Variants in RCAN2 observed in about 807,000 individuals in gnomAD.
The protein encoded by RCAN2 is calcipressin-2.
A neutral mutation model predicts 23.6 loss-of-function variants in RCAN2; 9 were observed. The ratio of observed to expected loss-of-function variants is 0.38; its 90% CI spans 0.23 to 0.67. The LOEUF is 0.67. Among genes scored for constraint, RCAN2 ranks in the 30% least tolerant of loss-of-function variants. RCAN2 has a pLI of 0.51. For synonymous variants in RCAN2, 109 were observed against 115.7 expected (o/e 0.94, Z 0.37); for missense variants, 273 against 302.3 (o/e 0.90, Z 0.72).
chr6:46,386,629 AACT>A, intron 2 of RCAN2, among the ~76,000 whole-genome samples: 8 of 151,074 alleles, frequency 5.3e-5, no homozygotes, highest in African/African-American at 1.7e-4. Flanking sequence ...AAAAAAAAAA[AACT>A]AAACTAAAAA....
At chr6:46,396,482 C>A (rs1035396966) in intron 2 of RCAN2, among the ~76,000 whole-genome samples, 1 of 152,158 alleles carries the variant, frequency 6.6e-6, no homozygotes, top group Non-Finnish European at 1.5e-5. Flanking sequence ...CCCTACCATT[C>A]GCTGGCACTG....
At chr6:46,440,393 C>CAA (rs769160624) in intron 2 of RCAN2, among the ~76,000 whole-genome samples, 1 of 128,044 alleles carries the variant, frequency 7.8e-6, no homozygotes, top group Admixed American at 7.9e-5. Context: ...TGAGTCACGG[C>CAA]AAAAAAAAAA....
chr6:46,248,779 T>C lies in RCAN2; in HGVS notation c.343A>G (p.Ile115Val). 6.2e-7 allele frequency: 1 copy of C among 1,613,520 alleles called. No homozygotes were observed. Among genetic ancestry groups the C allele is most frequent in the Non-Finnish European group, 8.5e-7 (1 of 1,179,828 alleles). ...SNPKSAARARIELHETQFRGK... is the reference protein window; with the variant it reads ...SNPKSAARARVELHETQFRGK... ...CTGAATTGGGTTTCATGAAGCTCTA[T>C]CCTAGCTCGGGCTGCAGATTTAGGA... The change falls in exon 3 of 5, where the codon ATA (isoleucine) becomes GTA (valine). Residue 115 changes from isoleucine (I) to valine (V), a missense_variant. Physicochemically the swap from Ile to Val is conservative, Grantham distance 29 (BLOSUM62 3). Coordinates refer to ENST00000371374, the MANE Select transcript of RCAN2 (RefSeq NM_001251974.2).
Position 46,349,509 on chromosome 6 carries a change from A to G in RCAN2, c.226-100613T>C, listed in dbSNP as rs74788237. ...AGGTTGATAGGTGCAGCAAACCACCATTCCACACGTATTTCTATGTAACAA... is the reference window on the plus strand; with the variant it reads ...AGGTTGATAGGTGCAGCAAACCACCGTTCCACACGTATTTCTATGTAACAA... On this transcript the variant is annotated intron_variant, in intron 2 of 4. Coordinates refer to ENST00000371374, the MANE Select transcript of RCAN2 (RefSeq NM_001251974.2). 9.5e-4 allele frequency among the ~76,000 whole-genome samples: 144 copies of G among 152,100 alleles called. No homozygotes were observed. In the East Asian group the frequency reaches 0.013, roughly 14 times the overall value.
intron 2 of RCAN2, among the ~76,000 whole-genome samples, chr6:46,391,504 C>A (rs1387919043): frequency 6.6e-6 from 1 of 152,144 alleles, no homozygotes; most frequent in African/African-American, 2.4e-5. Flanking sequence ...AGAGCCTGTT[C>A]TCAGGACGCT....
intron 2 of RCAN2, among the ~76,000 whole-genome samples, chr6:46,258,840 C>CAACA (rs956704715): frequency 6.6e-6 from 1 of 152,044 alleles, no homozygotes; most frequent in African/African-American, 2.4e-5. Flanking sequence ...AACTCCAAGC[C>CAACA]AACAAACAAA....
intron 2 of RCAN2, among the ~76,000 whole-genome samples, chr6:46,378,451 T>C (rs763075322): frequency 4.7e-4 from 72 of 152,324 alleles, no homozygotes; most frequent in Middle Eastern, 3.4e-3. Flanking sequence ...TCTGGTCTTC[T>C]GGTATAGTGA....
chr6:46,385,860 CAAAAAAAAAAA>C (rs59568594), intron 2 of RCAN2, among the ~76,000 whole-genome samples: 3 of 39,646 alleles, frequency 7.6e-5, no homozygotes, highest in Admixed American at 3.4e-4. Context: ...CTCTCTCTCT[CAAAAAAAAAAA>C]AAAAAAAAAA....
intron 2 of RCAN2, among the ~76,000 whole-genome samples, chr6:46,416,217 T>TA (rs1766712508): frequency 6.6e-6 from 1 of 151,824 alleles, no homozygotes; most frequent in Admixed American, 6.6e-5. Flanking sequence ...TAAGATTTTG[T>TA]AAAAAATTAA....
chr6:46,474,734 T>C (rs1464972831), intron 1 of RCAN2, among the ~76,000 whole-genome samples: 1 of 152,218 alleles, frequency 6.6e-6, no homozygotes, highest in African/African-American at 2.4e-5. Context: ...AGAAATAACT[T>C]TGATCTCCAG....
At chr6:46,335,454 C>T (rs1215957000) in intron 2 of RCAN2, among the ~76,000 whole-genome samples, 6 of 152,178 alleles carry the variant, frequency 3.9e-5, no homozygotes, top group South Asian at 2.1e-4. Context: ...CTGTTCAATA[C>T]ACACACAAGG....
Position 46,378,461 on chromosome 6 carries a change from A to T in RCAN2, c.225+78291T>A, listed in dbSNP as rs142712074. On this transcript the variant is annotated intron_variant, in intron 2 of 4. Transcript: ENST00000371374. ...TGAGATCTGGTCTTCTGGTATAGTG[A>T]TCCTGTCCAGAGAGAAATTCAGGAT... Among the ~76,000 whole-genome samples, 3 of 152,294 alleles carry T rather than the reference A, an allele frequency of 2.0e-5. No individual in the cohort carries two copies. In the East Asian group the frequency reaches 5.8e-4, roughly 29 times the overall value.
At chr6:46,383,259 G>C (rs988495882) in intron 2 of RCAN2, among the ~76,000 whole-genome samples, 5 of 151,090 alleles carry the variant, frequency 3.3e-5, no homozygotes, top group South Asian at 2.1e-4. Context: ...GGAGGAGGAG[G>C]CATTTGAAGT....
chr6:46,374,542 T>C (rs1447990490), intron 2 of RCAN2, among the ~76,000 whole-genome samples: 1 of 152,234 alleles, frequency 6.6e-6, no homozygotes, highest in Non-Finnish European at 1.5e-5. Flanking sequence ...AATATGAGGC[T>C]GATGGCAACG....
Position 46,266,536 on chromosome 6 carries a change from A to AC in RCAN2, c.226-17641dup, listed in dbSNP as rs1406947601. On this transcript the variant is annotated intron_variant, in intron 2 of 4. Transcript: ENST00000371374. ...TTGACCTGAGCTGATTGGTAATGTG[A>AC]CCCCCAATCTGCCTAGGAGTATCCC... Among the ~76,000 whole-genome samples, 3 of 151,922 alleles carry AC rather than the reference A, an allele frequency of 2.0e-5. No individual in the cohort carries two copies. In the East Asian group the frequency reaches 5.8e-4, roughly 29 times the overall value.
chr6:46,310,448 T>C lies in RCAN2; in HGVS notation c.226-61552A>G, dbSNP rs372838168. Among the ~76,000 whole-genome samples the C allele has an allele frequency of 4.6e-5, 7 of 152,252 alleles. No individual in the cohort carries two copies. The South Asian group carries it at 8.3e-4, about 18-fold the overall frequency. On this transcript the variant is annotated intron_variant, in intron 2 of 4. Coordinates refer to ENST00000371374, the MANE Select transcript of RCAN2 (RefSeq NM_001251974.2). ...ATTTTTGTGCTCAGACCTTCTATTC[T>C]ACAACACAAATTAGAAGGTGGAATG...
intron 2 of RCAN2, among the ~76,000 whole-genome samples, chr6:46,256,263 G>T (rs1766911980): frequency 6.6e-6 from 1 of 152,082 alleles, no homozygotes; most frequent in Non-Finnish European, 1.5e-5. Context: ...CCTACTACTT[G>T]GGAGGCTCAG....
chr6:46,434,388 G>C (rs532734787), intron 2 of RCAN2, among the ~76,000 whole-genome samples: 1 of 152,162 alleles, frequency 6.6e-6, no homozygotes, highest in Non-Finnish European at 1.5e-5. Context: ...CAGGTCTCCT[G>C]AGGCCCATGC....
chr6:46,325,457 C>T, intron 2 of RCAN2: 1 of 1,614,188 alleles, frequency 6.2e-7, no homozygotes, highest in Non-Finnish European at 8.5e-7. Flanking sequence ...GGAAACATCA[C>T]AGTCCATGCT....
Sources: gnomAD v4.1 joint callset for allele counts (sites outside exome capture counted in the v4.1 genomes callset) on GRCh38, gnomAD v4.1.1 for gene constraint, MANE v1.5 for transcripts, NCBI Gene and HGNC (gene_info 2026-07-23, HGNC 2026-07-21) for gene names.